C6: variants seen among roughly 807,000 people sequenced by gnomAD.
C6 encodes complement component C6.
C6 carries 101 observed loss-of-function variants against 112.9 expected under a neutral mutation model. The ratio of observed to expected loss-of-function variants is 0.89; its 90% CI spans 0.76 to 1.06. C6 has a LOEUF of 1.06. Ranked by LOEUF, C6 falls within the 50% of genes least tolerant of loss-of-function variation. The pLI is 0.00. For synonymous variants in C6, 431 were observed against 384.1 expected (o/e 1.12, Z -1.43); for missense variants, 1,202 against 1,104.6 (o/e 1.09, Z -1.25).
At chr5:41,249,498 T>C (rs556140247) in intron 1 of C6, among the ~76,000 whole-genome samples, 120 of 152,324 alleles carry the variant, frequency 7.9e-4, no homozygotes, top group African/African-American at 2.8e-3. Flanking sequence ...AACTTTAATT[T>C]TAAAGCTCTA....
chr5:41,163,917 G>GTCTGTGAC (rs1449482576), intron 9 of C6, among the ~76,000 whole-genome samples: 1 of 152,146 alleles, frequency 6.6e-6, no homozygotes, highest in Non-Finnish European at 1.5e-5. Flanking sequence ...TCTTCAATGT[G>GTCTGTGAC]TCTGTGACTT....
chr5:41,186,783 A>G (rs1749802912), intron 5 of C6, among the ~76,000 whole-genome samples: 1 of 152,120 alleles, frequency 6.6e-6, no homozygotes. Flanking sequence ...CTTTACTAAT[A>G]ATAACTTATA....
At chr5:41,199,194 A>C (rs574237450) in intron 4 of C6, among the ~76,000 whole-genome samples, 68 of 152,302 alleles carry the variant, frequency 4.5e-4, no homozygotes, top group African/African-American at 1.6e-3. Flanking sequence ...TTTTCAGGAT[A>C]TCTCAGAGTA....
intron 3 of C6, 83 bp from the exon 4 acceptor site, chr5:41,199,995 C>A: frequency 8.0e-7 from 1 of 1,248,426 alleles, no homozygotes; most frequent in Non-Finnish European, 1.2e-6. Context: ...TCCTCAATCA[C>A]AACAGTGATT....
At chr5:41,257,098 C>T (rs990830998) in intron 1 of C6, among the ~76,000 whole-genome samples, 3 of 151,862 alleles carry the variant, frequency 2.0e-5, no homozygotes. Flanking sequence ...TTGCATTTCA[C>T]GGGGGTTCGG....
intron 1 of C6, among the ~76,000 whole-genome samples, chr5:41,241,607 A>C: frequency 6.6e-6 from 1 of 152,174 alleles, no homozygotes; most frequent in East Asian, 1.9e-4. Flanking sequence ...GATATGGGGT[A>C]ATATTTCAAA....
chr5:41,230,937 T>A (rs1380129606), intron 1 of C6, among the ~76,000 whole-genome samples: 1 of 152,196 alleles, frequency 6.6e-6, no homozygotes, highest in Non-Finnish European at 1.5e-5. Context: ...GTTTCTATTG[T>A]TATATCTTTT....
Position 41,180,595 on chromosome 5 carries a change from A to G in C6, c.927+764T>C, listed in dbSNP as rs577442001. Among the ~76,000 whole-genome samples the G allele has an allele frequency of 1.7e-4, 25 of 151,102 alleles. 1 individual carries two copies. In the South Asian group the frequency reaches 5.0e-3, roughly 30 times the overall value. On this transcript the variant is annotated intron_variant, in intron 7 of 17. Coordinates refer to ENST00000337836, the MANE Select transcript of C6 (RefSeq NM_000065.5). Reference sequence around the variant, plus strand: ...TAGACATACCCTAAGTTCCAAGTGCAAAAAAGAATTGTAACTTTTCAAGCA... The same window carrying G: ...TAGACATACCCTAAGTTCCAAGTGCGAAAAAGAATTGTAACTTTTCAAGCA...
At chr5:41,215,989 G>C (rs964164986), upstream of C6, among the ~76,000 whole-genome samples, 1 of 152,090 alleles carries the variant, frequency 6.6e-6, no homozygotes, top group Non-Finnish European at 1.5e-5. Flanking sequence ...AAACTCTTCA[G>C]AGTGTGCTTT....
intron 10 of C6, among the ~76,000 whole-genome samples, chr5:41,161,193 G>A (rs962669495): frequency 3.9e-5 from 6 of 152,260 alleles, no homozygotes; most frequent in South Asian, 2.1e-4. Flanking sequence ...TGGCTGATAC[G>A]TGGGTAAAGT....
At position 41,186,099 on chromosome 5, in the gene C6, G is replaced by A. The variant is rs1001920288; in HGVS notation, c.697C>T (p.Pro233Ser). ...SSRTSNPYRV[P>S]ANLENVGFEV... ...AAGCCGACATTTTCCAGATTGGCCG[G>A]AACACGGTATGGATTACTTGTCCTA... Residue 233 changes from proline to serine, a missense_variant, in exon 6 of 18, where the codon CCG becomes TCG. Physicochemically the swap from Pro to Ser is moderately conservative, Grantham distance 74 (BLOSUM62 -1). Transcript: ENST00000337836. The A allele has an allele frequency of 3.1e-6, 5 of 1,613,848 alleles. No individual in the cohort carries two copies. In the African/African-American group the frequency reaches 5.3e-5, roughly 17 times the overall value.
At chr5:41,210,949 G>C (rs919621152) in intron 1 of C6, among the ~76,000 whole-genome samples, 7 of 152,142 alleles carry the variant, frequency 4.6e-5, no homozygotes, top group African/African-American at 7.2e-5. Flanking sequence ...TATGTTTATT[G>C]TGGCACTATT....
chr5:41,198,087 T>A (rs2150358895), intron 4 of C6, among the ~76,000 whole-genome samples: 1 of 152,236 alleles, frequency 6.6e-6, no homozygotes, highest in East Asian at 1.9e-4. Flanking sequence ...GAAAGAAGAG[T>A]TGGTATATTG....
upstream of C6, among the ~76,000 whole-genome samples, chr5:41,217,018 A>T (rs999996180): frequency 5.9e-5 from 9 of 152,086 alleles, no homozygotes; most frequent in Non-Finnish European, 1.3e-4. Flanking sequence ...GCCAAATTGG[A>T]TAACTTGCTG....
intron 7 of C6, among the ~76,000 whole-genome samples, chr5:41,181,034 T>C (rs1489442954): frequency 6.6e-6 from 1 of 151,852 alleles, no homozygotes; most frequent in Non-Finnish European, 1.5e-5. Context: ...AACAAAAATA[T>C]AAAATACAGA....
chr5:41,261,218 A>G, exon 1 of C6: 1 of 985,752 alleles, frequency 1.0e-6, no homozygotes, highest in Non-Finnish European at 1.2e-6. Context: ...TTGAAGAAAT[A>G]CCAGCAGATA....
At chr5:41,205,498 T>A (rs930510255) in intron 1 of C6, among the ~76,000 whole-genome samples, 2 of 152,174 alleles carry the variant, frequency 1.3e-5, no homozygotes, top group Non-Finnish European at 2.9e-5. Flanking sequence ...AGACAGTACC[T>A]GGAAAATCGG....
intron 1 of C6, among the ~76,000 whole-genome samples, chr5:41,228,661 T>C (rs1381039383): frequency 6.6e-6 from 1 of 152,208 alleles, no homozygotes; most frequent in Non-Finnish European, 1.5e-5. Flanking sequence ...TTTTTTATCA[T>C]GAAAAGATGT....
At chr5:41,169,048 T>C (rs1434272350) in intron 9 of C6, among the ~76,000 whole-genome samples, 2 of 152,102 alleles carry the variant, frequency 1.3e-5, no homozygotes, top group Non-Finnish European at 2.9e-5. Flanking sequence ...AGACAAAAGA[T>C]GGCCTGGCCT....
Sources: allele counts gnomAD v4.1 joint callset (sites outside exome capture counted in the v4.1 genomes callset), GRCh38; gene constraint gnomAD v4.1.1; transcripts MANE v1.5; gene names NCBI Gene and HGNC (gene_info 2026-07-23, HGNC 2026-07-21).